Variants in NAV3 observed in about 807,000 individuals in gnomAD.
NAV3 encodes the protein pore membrane and/or filament interacting like protein 1.
In NAV3, 87 loss-of-function variants were observed where a neutral mutation model predicts 244.7. The ratio of observed to expected loss-of-function variants is 0.36; its 90% CI spans 0.30 to 0.42. The LOEUF is 0.42. Ranked by LOEUF, NAV3 falls within the 20% of genes least tolerant of loss-of-function variation. The pLI, the probability that NAV3 is intolerant of heterozygous loss-of-function variation, is 1.00. For missense variants in NAV3, 2,663 were observed against 2,893.3 expected (o/e 0.92, Z 1.83); for synonymous variants, 1,126 against 1,042.2 (o/e 1.08, Z -1.55).
intron 2 of NAV3, among the ~76,000 whole-genome samples, chr12:77,752,504 G>T (rs1868912015): frequency 6.6e-6 from 1 of 152,044 alleles, no homozygotes; most frequent in Non-Finnish European, 1.5e-5. Flanking sequence ...TCAGTTTAAT[G>T]GAACGCTGGA....
At chr12:77,903,773 A>T (rs1387204544) in intron 1 of NAV3, among the ~76,000 whole-genome samples, 2 of 152,172 alleles carry the variant, frequency 1.3e-5, no homozygotes, top group Admixed American at 6.5e-5. Flanking sequence ...TCTAGAATCT[A>T]CAATAAACTC....
rs1443312837 is a variant in NAV3, at chr12:78,181,024, A to T, written c.5671A>T (p.Ile1891Phe). The change falls in exon 30 of 40, where the codon ATC (isoleucine) becomes TTC (phenylalanine). Residue 1891 changes from isoleucine to phenylalanine, a missense_variant. Coordinates refer to ENST00000397909, the MANE Select transcript of NAV3 (RefSeq NM_001024383.2). ...AGGACTTTCTCTAAACAATTTGAAC[A>T]TCACAGAGGCTGTTAGCTCAGGTGA... ...SLGLSLNNLN[I>F]TEAVSSDILL... The T allele has an allele frequency of 1.2e-6, 2 of 1,612,872 alleles. No individual in the cohort carries two copies. Among genetic ancestry groups the T allele is most frequent in the African/African-American group, 2.7e-5 (2 of 74,846 alleles).
chr12:77,660,618 A>G (rs1873394861), intron 2 of NAV3, among the ~76,000 whole-genome samples: 1 of 152,136 alleles, frequency 6.6e-6, no homozygotes, highest in South Asian at 2.1e-4. Context: ...ATGCATATAT[A>G]TGTATGTATA....
At position 77,780,990 on chromosome 12, in the gene NAV3, G is replaced by A. The variant is rs1241623561; in HGVS notation, c.73-159329G>A. On this transcript the variant is annotated intron_variant, in intron 2 of 8. Transcript: ENST00000550042. ...GGCTTAAGTATACTTCCTAGGTGTT[G>A]GTTCCCTATTATTAGTTTTCTGTGC... 2.0e-5 allele frequency among the ~76,000 whole-genome samples: 3 copies of A among 152,074 alleles called. No homozygotes were observed. The East Asian group carries it at 5.8e-4, about 29-fold the overall frequency.
rs1872578853 is a variant in NAV3, at chr12:77,817,800, A to G, written c.73-122519A>G. On this transcript the variant is annotated intron_variant, in intron 2 of 8. Transcript: ENST00000550042. The stretch of plus-strand genomic sequence containing the variant: ...TGCAAGCTGTTGGGGAAAAATCCCC[A>G]CTGGTCTCCTATTTATCTAATTTTA... Among the ~76,000 whole-genome samples, 5 of 152,160 alleles carry G rather than the reference A, an allele frequency of 3.3e-5. No homozygotes were observed. In the South Asian group the frequency reaches 1.0e-3, roughly 32 times the overall value.
In NAV3 at chr12:78,190,177, G is replaced by A. The variant is rs1958910107; in HGVS notation, c.6249G>A (p.Glu2083=). Residue 2083 remains glutamate (E), a synonymous_variant, in exon 34 of 40, where the codon GAG becomes GAA. Coordinates refer to ENST00000397909, the MANE Select transcript of NAV3 (RefSeq NM_001024383.2). ...CCAAATCTGGAAGGAAAAAAACAGA[G>A]GATGCAATTGCCACTTTTAATGTGG... ...VITKSGRKKT[E]DAIATFNVDH... 1.9e-6 allele frequency: 3 copies of A among 1,612,486 alleles called. No homozygotes were observed. The African/African-American group carries it at 4.0e-5, about 22-fold the overall frequency.
At chr12:78,155,850 G>GT (rs752733034) in intron 22 of NAV3, among the ~76,000 whole-genome samples, 7 of 151,932 alleles carry the variant, frequency 4.6e-5, no homozygotes, top group Non-Finnish European at 1.0e-4. Context: ...GGGGAAGTTT[G>GT]TTTTTTACTT....
chr12:78,170,501 C>G (rs1248128565), intron 24 of NAV3, among the ~76,000 whole-genome samples: 1 of 151,724 alleles, frequency 6.6e-6, no homozygotes, highest in East Asian at 1.9e-4. Context: ...CACGCTGAAG[C>G]CAGAATAGTC....
chr12:77,772,805 G>C (rs958520589), intron 2 of NAV3, among the ~76,000 whole-genome samples: 3 of 152,158 alleles, frequency 2.0e-5, no homozygotes, highest in African/African-American at 2.4e-5. Context: ...GCCAAAATGT[G>C]CTTTTGGGAC....
At chr12:77,657,649 A>C (rs1873186936) in intron 2 of NAV3, among the ~76,000 whole-genome samples, 2 of 152,230 alleles carry the variant, frequency 1.3e-5, no homozygotes, top group Admixed American at 1.3e-4. Context: ...GCAGAGATAC[A>C]ACCAAAAAAG....
chr12:77,806,306 G>A (rs1871976887), intron 2 of NAV3, among the ~76,000 whole-genome samples: 1 of 152,162 alleles, frequency 6.6e-6, no homozygotes, highest in Non-Finnish European at 1.5e-5. Context: ...TGCATTTAGT[G>A]CTATAAATTC....
In NAV3 at chr12:77,986,775, T is replaced by C. The variant is rs571872365; in HGVS notation, c.672-8028T>C. 4.6e-5 allele frequency among the ~76,000 whole-genome samples: 7 copies of C among 152,286 alleles called. No individual in the cohort carries two copies. The East Asian group carries it at 1.2e-3, about 25-fold the overall frequency. ...TATTGATGAAGGCATAGAGAGGAGA[T>C]ACAAATACATTTTAACTCTCATTCT... On this transcript the variant is annotated intron_variant, in intron 5 of 39. Coordinates refer to ENST00000397909, the MANE Select transcript of NAV3 (RefSeq NM_001024383.2).
chr12:77,813,359 G>A (rs1014896764), intron 2 of NAV3, among the ~76,000 whole-genome samples: 1 of 152,120 alleles, frequency 6.6e-6, no homozygotes, highest in African/African-American at 2.4e-5. Flanking sequence ...TGCCTTTCCA[G>A]GTTGTTGGGT....
intron 2 of NAV3, among the ~76,000 whole-genome samples, chr12:77,790,882 C>T (rs1871148147): frequency 1.3e-5 from 2 of 152,136 alleles, no homozygotes; most frequent in Non-Finnish European, 1.5e-5. Context: ...GTCTGTGTAT[C>T]TTCATGCTTT....
At chr12:78,164,852 C>T (rs866262273) in intron 23 of NAV3, among the ~76,000 whole-genome samples, 3 of 151,952 alleles carry the variant, frequency 2.0e-5, no homozygotes. Flanking sequence ...CCTAGAAGGT[C>T]AAGTTAGTTG....
chr12:77,581,881 T>C (rs1247963613), intron 2 of NAV3, among the ~76,000 whole-genome samples: 2 of 152,188 alleles, frequency 1.3e-5, no homozygotes, highest in African/African-American at 2.4e-5. Context: ...CCATGTTAAC[T>C]GCATTACTAA....
At chr12:77,685,965 T>C (rs1030745518) in intron 2 of NAV3, among the ~76,000 whole-genome samples, 1 of 152,184 alleles carries the variant, frequency 6.6e-6, no homozygotes, top group African/African-American at 2.4e-5. Context: ...AGTGTCTCTT[T>C]AACATTGTCA....
Position 77,596,156 on chromosome 12 carries a change from G to A in NAV3, c.72+23890G>A, listed in dbSNP as rs148650174. Among the ~76,000 whole-genome samples the A allele has an allele frequency of 4.7e-3, 717 of 152,194 alleles. 7 individuals carry two copies. The highest frequency in any genetic ancestry group is 0.016 in the African/African-American group (671 of 41,524). On this transcript the variant is annotated intron_variant, in intron 2 of 8. Coordinates refer to the NAV3 transcript ENST00000550042. ...ATATCACAGCTCTGGTACTTTCCTC[G>A]CTGTTTGACCTTGCATAAGAGGCTT...
chr12:77,684,372 T>C (rs1435388769), intron 2 of NAV3, among the ~76,000 whole-genome samples: 2 of 152,136 alleles, frequency 1.3e-5, no homozygotes, highest in African/African-American at 4.8e-5. Flanking sequence ...TCTTTCTTCA[T>C]TTCTCTCTGT....
Sources: allele counts gnomAD v4.1 joint callset (sites outside exome capture counted in the v4.1 genomes callset), GRCh38; gene constraint gnomAD v4.1.1; transcripts MANE v1.5; gene names NCBI Gene and HGNC (gene_info 2026-07-23, HGNC 2026-07-21).